Variants in DLGAP4 observed in about 807,000 individuals in gnomAD.
The protein encoded by DLGAP4 is DLG associated protein 4, also known as disks large-associated protein 4.
A neutral mutation model predicts 86.9 loss-of-function variants in DLGAP4; 18 were observed. The ratio of observed to expected loss-of-function variants is 0.21; its 90% CI spans 0.14 to 0.31. The LOEUF is 0.31. DLGAP4 is among the 10% of genes least tolerant of loss of function. The probability of loss-of-function intolerance (pLI) is 1.00; values close to 1 mark genes in which losing one functional copy is unlikely to be tolerated. For missense variants in DLGAP4, 1,085 were observed against 1,362.6 expected (o/e 0.80, Z 3.21); for synonymous variants, 548 against 574.3 (o/e 0.95, Z 0.65).
chr20:36,494,652 T>C lies in DLGAP4; in HGVS notation c.1649-2053T>C, dbSNP rs143491882. Among the ~76,000 whole-genome samples, 140 of 152,322 alleles carry C rather than the reference T, an allele frequency of 9.2e-4. 1 individual carries two copies. Among genetic ancestry groups the C allele is most frequent in the African/African-American group, 3.2e-3 (132 of 41,576 alleles). On this transcript the variant is annotated intron_variant, in intron 7 of 12. Transcript: ENST00000339266. ...CAGTTTTATCACATGCATACATTCA[T>C]GTAACCATCCCCACACTCAATACAG...
intron 2 of DLGAP4, among the ~76,000 whole-genome samples, chr20:36,387,299 T>C (rs913409973): frequency 6.6e-6 from 1 of 152,238 alleles, no homozygotes; most frequent in African/African-American, 2.4e-5. Flanking sequence ...TTAGCGGTCA[T>C]CTGAATTTTT....
chr20:36,308,447 G>A lies in DLGAP4; in HGVS notation c.-304+1935G>A, dbSNP rs1275823970. Among the ~76,000 whole-genome samples the A allele has an allele frequency of 1.3e-5, 2 of 152,224 alleles. No individual in the cohort carries two copies. The highest frequency in any genetic ancestry group is 2.9e-5 in the Non-Finnish European group (2 of 68,022). Reference sequence around the variant, plus strand: ...GGCTGGGTTATGTGGAACCCCGGGTGCCAGCCTTGAGATGGAACTGCAGGT... The same window carrying A: ...GGCTGGGTTATGTGGAACCCCGGGTACCAGCCTTGAGATGGAACTGCAGGT... On this transcript the variant is annotated intron_variant, in intron 1 of 12. Transcript: ENST00000339266. This position sits in a 1 kb window ranked among gnomAD's most constrained non-coding sequence, Gnocchi z 4.5.
Position 36,405,350 on chromosome 20 carries a change from T to G in DLGAP4, c.-72-26296T>G, listed in dbSNP as rs138604479. 9.4e-3 allele frequency among the ~76,000 whole-genome samples: 1,439 copies of G among 152,322 alleles called. 7 individuals carry two copies. Among genetic ancestry groups the G allele is most frequent in the Non-Finnish European group, 0.014 (919 of 68,024 alleles). On this transcript the variant is annotated intron_variant, in intron 2 of 12. Coordinates refer to ENST00000339266, the MANE Select transcript of DLGAP4 (RefSeq NM_001365621.2). Reference sequence around the variant, plus strand: ...TGGAGATGCTGCTAGCAGCCAACTGTCTCAAGGGGCTGTTGAGGGTGAAAG... The same window carrying G: ...TGGAGATGCTGCTAGCAGCCAACTGGCTCAAGGGGCTGTTGAGGGTGAAAG...
At chr20:36,371,437 G>T (rs867587306) in intron 2 of DLGAP4, among the ~76,000 whole-genome samples, 1 of 152,222 alleles carries the variant, frequency 6.6e-6, no homozygotes, top group South Asian at 2.1e-4. Context: ...GGAAATTAAC[G>T]TGGTGACATC....
At chr20:36,351,351 G>A (rs1555893449) in intron 1 of DLGAP4, among the ~76,000 whole-genome samples, 1 of 152,136 alleles carries the variant, frequency 6.6e-6, no homozygotes, top group African/African-American at 2.4e-5. Context: ...TGGCGGGCCT[G>A]TTAGATCCAC....
chr20:36,315,526 AC>A (rs1451365926), intron 1 of DLGAP4, among the ~76,000 whole-genome samples: 1 of 242 alleles, frequency 4.1e-3, no homozygotes, highest in African/African-American at 0.016. Flanking sequence ...AGGACTGGAA[AC>A]TTGGGTGGCC....
chr20:36,307,011 C>T (rs1275359908), intron 1 of DLGAP4, among the ~76,000 whole-genome samples: 8 of 152,142 alleles, frequency 5.3e-5, no homozygotes, highest in Non-Finnish European at 1.0e-4. Flanking sequence ...TCCATTCAAC[C>T]CAGCTGCCTC....
intron 5 of DLGAP4, among the ~76,000 whole-genome samples, chr20:36,440,711 G>A (rs1479486128): frequency 6.6e-6 from 1 of 151,998 alleles, no homozygotes; most frequent in Non-Finnish European, 1.5e-5. Flanking sequence ...GGCACTTTAG[G>A]GTTTGCAAAG....
Position 36,432,298 on chromosome 20 carries a change from A to G in DLGAP4, c.581A>G (p.Lys194Arg), listed in dbSNP as rs752207074. Residue 194 changes from lysine to arginine, a missense_variant, in exon 3 of 13, where the codon AAA becomes AGA. By Grantham distance (26) the Lys-to-Arg change is conservative. This residue lies in a region of DLGAP4 where 1,082 missense variants were observed against 1,344.1 expected (regional missense o/e 0.81). Coordinates refer to ENST00000339266, the MANE Select transcript of DLGAP4 (RefSeq NM_001365621.2). This position sits in a 1 kb window ranked among gnomAD's most constrained non-coding sequence, Gnocchi z 6.5. ...SKERAKAGEPKRRSRSNISGW... is the reference protein window; with the variant it reads ...SKERAKAGEPRRRSRSNISGW... The stretch of plus-strand genomic sequence containing the variant: ...GAGCGGGCCAAGGCTGGGGAGCCCA[A>G]ACGGCGCAGCCGCTCCAACATCTCA... 70 of 1,613,526 alleles carry G rather than the reference A, an allele frequency of 4.3e-5. No individual in the cohort carries two copies. Among genetic ancestry groups the G allele is most frequent in the Non-Finnish European group, 5.7e-5 (67 of 1,179,854 alleles).
rs548124239 is a variant in DLGAP4, at chr20:36,428,327, T to C, written c.-72-3319T>C. Among the ~76,000 whole-genome samples the C allele has an allele frequency of 1.5e-3, 232 of 152,326 alleles. 1 individual carries two copies. Among genetic ancestry groups the C allele is most frequent in the African/African-American group, 5.4e-3 (223 of 41,578 alleles). On this transcript the variant is annotated intron_variant, in intron 2 of 12. Transcript: ENST00000339266. ...GCATGTCAAGTGCTCTGTGGCCCAG[T>C]GGCTACCATATTGGACAGCTCAGAT...
At chr20:36,312,374 C>T (rs896738246) in intron 1 of DLGAP4, among the ~76,000 whole-genome samples, 25 of 149,398 alleles carry the variant, frequency 1.7e-4, no homozygotes, top group African/African-American at 2.6e-4. Context: ...CGCGAACACA[C>T]GCACACACAC....
At chr20:36,416,139 G>T (rs368363620) in intron 2 of DLGAP4, among the ~76,000 whole-genome samples, 1 of 151,858 alleles carries the variant, frequency 6.6e-6, no homozygotes, top group South Asian at 2.1e-4. Context: ...TTATTTATTC[G>T]GAGATGGAGT....
At chr20:36,407,008 G>A (rs2147494112) in intron 2 of DLGAP4, among the ~76,000 whole-genome samples, 1 of 152,166 alleles carries the variant, frequency 6.6e-6, no homozygotes, top group Middle Eastern at 3.4e-3. Context: ...GAGTCCAACA[G>A]ACCCAGGTTC....
chr20:36,413,736 A>G (rs1238782767), intron 2 of DLGAP4, among the ~76,000 whole-genome samples: 2 of 152,110 alleles, frequency 1.3e-5, no homozygotes, highest in Non-Finnish European at 2.9e-5. Context: ...GACATTTCAT[A>G]TAAAGGGAGT....
chr20:36,374,046 A>AG lies in DLGAP4; in HGVS notation c.-73+6771_-73+6772insG, dbSNP rs1327074003. ...TGAGACTGTCTCAAAAAAAAAAAAA[A>AG]AAAGAAAAAGAAAATAAAGGAGTCT... is the stretch of plus-strand genomic sequence containing the variant. On this transcript the variant is annotated intron_variant, in intron 2 of 12. Transcript: ENST00000339266. Among the ~76,000 whole-genome samples, 7 of 151,388 alleles carry AG rather than the reference A, an allele frequency of 4.6e-5. No homozygotes were observed. In the East Asian group the frequency reaches 5.8e-4, roughly 13 times the overall value.
intron 2 of DLGAP4, among the ~76,000 whole-genome samples, chr20:36,417,820 T>G (rs1333850634): frequency 2.0e-5 from 3 of 151,944 alleles, no homozygotes; most frequent in African/African-American, 7.3e-5. Context: ...GTTTTGCTGT[T>G]GTCACCCAGG....
chr20:36,402,044 C>T (rs189037443), intron 2 of DLGAP4, among the ~76,000 whole-genome samples: 133 of 152,186 alleles, frequency 8.7e-4, no homozygotes, highest in African/African-American at 2.6e-3. Flanking sequence ...GTTCATGCTA[C>T]ATCTGTGTTC....
intron 7 of DLGAP4, among the ~76,000 whole-genome samples, chr20:36,496,204 G>A (rs2035880452): frequency 6.6e-6 from 1 of 151,962 alleles, no homozygotes; most frequent in Non-Finnish European, 1.5e-5. Context: ...GTGGAGAGGG[G>A]GCATCCAAGC....
intron 1 of DLGAP4, among the ~76,000 whole-genome samples, chr20:36,363,828 A>G (rs1484243537): frequency 6.6e-6 from 1 of 152,180 alleles, no homozygotes; most frequent in Non-Finnish European, 1.5e-5. Context: ...ACATTTCTGG[A>G]GCACCTCCTG....
Sources: gnomAD v4.1 joint callset for allele counts (sites outside exome capture counted in the v4.1 genomes callset) on GRCh38, gnomAD v4.1.1 for gene constraint, gnomAD v4.1.1 regional missense constraint, Gnocchi (gnomAD v3.1) non-coding constraint, MANE v1.5 for transcripts, NCBI Gene and HGNC (gene_info 2026-07-23, HGNC 2026-07-21) for gene names.